Variants in GPC5 observed in about 807,000 individuals in gnomAD.
GPC5 encodes the protein glypican-5.
Under a neutral mutation model 53.9 loss-of-function variants are expected in GPC5, and 47 were observed. That is an observed-to-expected ratio of 0.87 (90% confidence interval 0.69 to 1.11). The LOEUF (loss-of-function observed/expected upper bound fraction) is 1.11, where lower values mean the gene tolerates loss of function less well. Among genes scored for constraint, GPC5 ranks in the 50% most tolerant of loss-of-function variants. The pLI, the probability that GPC5 is intolerant of heterozygous loss-of-function variation, is 0.00. For missense variants in GPC5, 748 were observed against 713.1 expected (o/e 1.05, Z -0.56); for synonymous variants, 286 against 263.3 (o/e 1.09, Z -0.84).
rs575720458 is a variant in GPC5, at chr13:92,367,674, T to C, written c.1561+222685T>C. 9.8e-5 allele frequency among the ~76,000 whole-genome samples: 15 copies of C among 152,330 alleles called. No individual in the cohort carries two copies. The South Asian group carries it at 2.1e-3, about 21-fold the overall frequency. ...GATCTAAAAACTCTAAATTTATATC[T>C]TTATCTAACTGTGTAAATAGAATGA... On this transcript the variant is annotated intron_variant, in intron 7 of 7. Transcript: ENST00000377067.
intron 1 of GPC5, among the ~76,000 whole-genome samples, chr13:91,399,815 C>T (rs1876791334): frequency 1.3e-5 from 2 of 152,168 alleles, no homozygotes; most frequent in South Asian, 4.1e-4. Flanking sequence ...CCCAGTGTGT[C>T]TCCCAGCACC....
intron 5 of GPC5, among the ~76,000 whole-genome samples, chr13:91,774,602 C>T (rs1055520965): frequency 2.6e-5 from 4 of 152,082 alleles, no homozygotes; most frequent in Non-Finnish European, 4.4e-5. Context: ...TGACCTACAG[C>T]GCACCCATCC....
At chr13:92,763,400 G>A (rs529143394) in intron 7 of GPC5, among the ~76,000 whole-genome samples, 1 of 152,140 alleles carries the variant, frequency 6.6e-6, no homozygotes, top group African/African-American at 2.4e-5. Context: ...GACTATGGGT[G>A]GCCTACGCTG....
At chr13:91,828,945 T>C (rs2038615631) in intron 5 of GPC5, among the ~76,000 whole-genome samples, 2 of 152,146 alleles carry the variant, frequency 1.3e-5, no homozygotes, top group East Asian at 1.9e-4. Context: ...CTACCACTAA[T>C]GGGTAATATT....
At chr13:92,109,515 C>A (rs949034300) in intron 6 of GPC5, among the ~76,000 whole-genome samples, 3 of 152,096 alleles carry the variant, frequency 2.0e-5, no homozygotes, top group African/African-American at 7.2e-5. Flanking sequence ...CTTTTAGTGA[C>A]TATCTAAAAT....
Position 92,712,228 on chromosome 13 carries a change from A to G in GPC5, c.1562-154054A>G, listed in dbSNP as rs1007260594. The stretch of plus-strand genomic sequence containing the variant: ...TTACAGTGATTCTGTCTAGCACTGT[A>G]GTCATCAAAATATAATAAAGGAATA... On this transcript the variant is annotated intron_variant, in intron 7 of 7. Coordinates refer to ENST00000377067, the MANE Select transcript of GPC5 (RefSeq NM_004466.6). Among the ~76,000 whole-genome samples, 39 of 152,160 alleles carry G rather than the reference A, an allele frequency of 2.6e-4. No homozygotes were observed. In the Middle Eastern group the frequency reaches 0.01, roughly 40 times the overall value.
chr13:91,977,167 G>C (rs1054039359), intron 6 of GPC5, among the ~76,000 whole-genome samples: 2 of 152,046 alleles, frequency 1.3e-5, no homozygotes, highest in African/African-American at 4.8e-5. Context: ...TTTCAAAACT[G>C]TTAAAAATAT....
chr13:92,805,410 G>A (rs2138791900), intron 7 of GPC5, among the ~76,000 whole-genome samples: 1 of 152,044 alleles, frequency 6.6e-6, no homozygotes, highest in Non-Finnish European at 1.5e-5. Context: ...TAGGTCAATG[G>A]GAAGTAATAT....
At chr13:92,238,999 AT>A (rs960797171) in intron 7 of GPC5, among the ~76,000 whole-genome samples, 27 of 30,246 alleles carry the variant, frequency 8.9e-4, no homozygotes, top group African/African-American at 2.0e-3. Flanking sequence ...TGACAAGATT[AT>A]TTTTTTTTTC....
At chr13:92,073,783 T>C (rs1243648299) in intron 6 of GPC5, among the ~76,000 whole-genome samples, 1 of 152,200 alleles carries the variant, frequency 6.6e-6, no homozygotes, top group African/African-American at 2.4e-5. Context: ...ATGGTTTCGC[T>C]GTGTCCCCAC....
intron 7 of GPC5, among the ~76,000 whole-genome samples, chr13:92,340,914 A>G (rs1234314556): frequency 6.6e-6 from 1 of 152,122 alleles, no homozygotes; most frequent in Non-Finnish European, 1.5e-5. Flanking sequence ...AAAATCAAAA[A>G]TATTATCTAA....
chr13:91,967,889 T>TGGAGTTCATTTGCATTTC (rs2040196167), intron 6 of GPC5, among the ~76,000 whole-genome samples: 1 of 152,132 alleles, frequency 6.6e-6, no homozygotes, highest in East Asian at 1.9e-4. Flanking sequence ...TTAATTTTTA[T>TGGAGTTCATTTGCATTTC]TGTTTTCATT....
At chr13:91,460,897 G>A (rs1428938837) in intron 2 of GPC5, among the ~76,000 whole-genome samples, 1 of 152,014 alleles carries the variant, frequency 6.6e-6, no homozygotes, top group Non-Finnish European at 1.5e-5. Flanking sequence ...ACAAATAGAG[G>A]ACTTAAATTT....
intron 2 of GPC5, among the ~76,000 whole-genome samples, chr13:91,476,249 C>A (rs1036441354): frequency 1.3e-5 from 2 of 152,144 alleles, no homozygotes; most frequent in African/African-American, 4.8e-5. Flanking sequence ...GCTAAATGTC[C>A]CCCCAGGGAG....
chr13:92,295,391 T>C (rs1015160906), intron 7 of GPC5, among the ~76,000 whole-genome samples: 1 of 152,204 alleles, frequency 6.6e-6, no homozygotes, highest in African/African-American at 2.4e-5. Flanking sequence ...GTGCTTGATA[T>C]AATTTCAATT....
At chr13:91,551,450 A>G (rs2030630811) in intron 2 of GPC5, among the ~76,000 whole-genome samples, 1 of 152,156 alleles carries the variant, frequency 6.6e-6, no homozygotes, top group South Asian at 2.1e-4. Flanking sequence ...TCCATAAAAT[A>G]GAGTTGACAA....
intron 5 of GPC5, among the ~76,000 whole-genome samples, chr13:91,765,703 T>A (rs996071395): frequency 6.6e-6 from 1 of 152,220 alleles, no homozygotes; most frequent in Non-Finnish European, 1.5e-5. Context: ...TCCCACAGAC[T>A]TTCAAATAGG....
intron 7 of GPC5, among the ~76,000 whole-genome samples, chr13:92,401,105 G>A (rs1875535575): frequency 1.3e-5 from 2 of 151,234 alleles, no homozygotes; most frequent in Non-Finnish European, 2.9e-5. Context: ...ACAGTAGACT[G>A]TTGAATTGGC....
chr13:91,981,422 T>G (rs2040357822), intron 6 of GPC5, among the ~76,000 whole-genome samples: 1 of 151,970 alleles, frequency 6.6e-6, no homozygotes, highest in Admixed American at 6.6e-5. Flanking sequence ...CCCAAGTAGC[T>G]GGGACTACAG....
Sources: allele counts gnomAD v4.1 joint callset (sites outside exome capture counted in the v4.1 genomes callset), GRCh38; gene constraint gnomAD v4.1.1; transcripts MANE v1.5; gene names NCBI Gene and HGNC (gene_info 2026-07-23, HGNC 2026-07-21).